PTPRD: variants seen among roughly 807,000 people sequenced by gnomAD.
PTPRD encodes the protein receptor-type tyrosine-protein phosphatase delta.
In PTPRD, 34 loss-of-function variants were observed where a neutral mutation model predicts 214.5. The ratio of observed to expected loss-of-function variants is 0.16; its 90% CI spans 0.12 to 0.21. The LOEUF is 0.21. PTPRD is among the 10% of genes least tolerant of loss of function. PTPRD has a pLI of 1.00. For missense variants in PTPRD, 2,545 were observed against 2,398.7 expected (o/e 1.06, Z -1.27); for synonymous variants, 1,128 against 845.7 (o/e 1.33, Z -5.79).
intron 4 of PTPRD, among the ~76,000 whole-genome samples, chr9:10,031,681 C>CACACACACACACAT (rs1555495089): frequency 3.0e-5 from 4 of 133,862 alleles, no homozygotes; most frequent in Admixed American, 1.5e-4. Context: ...CACACACACA[C>CACACACACACACAT]ATATCCTATT....
intron 9 of PTPRD, among the ~76,000 whole-genome samples, chr9:9,286,490 A>C (rs1031229112): frequency 2.6e-5 from 4 of 151,782 alleles, no homozygotes; most frequent in Non-Finnish European, 5.9e-5. Flanking sequence ...CAGAACTCAT[A>C]ATGTCCATTC....
intron 14 of PTPRD, among the ~76,000 whole-genome samples, chr9:8,618,866 T>TGTG (rs2095702673): frequency 7.6e-6 from 1 of 130,928 alleles, no homozygotes; most frequent in Non-Finnish European, 1.6e-5. Flanking sequence ...CCAGCTAATT[T>TGTG]TGTGTGTGTG....
At chr9:9,560,172 A>G (rs142426505) in intron 8 of PTPRD, among the ~76,000 whole-genome samples, 165 of 152,346 alleles carry the variant, frequency 1.1e-3, no homozygotes, top group African/African-American at 3.8e-3. Context: ...AAGTCTGTAC[A>G]TGACTGTGGA....
chr9:9,526,627 C>G (rs1014918098), intron 8 of PTPRD, among the ~76,000 whole-genome samples: 1 of 152,058 alleles, frequency 6.6e-6, no homozygotes, highest in African/African-American at 2.4e-5. Context: ...ACTTTAATGC[C>G]ACATTAAATT....
intron 11 of PTPRD, among the ~76,000 whole-genome samples, chr9:8,748,541 G>GA (rs1276346481): frequency 9.7e-6 from 1 of 102,998 alleles, no homozygotes; most frequent in Non-Finnish European, 1.9e-5. Context: ...AAAAAAAAAA[G>GA]AAAAAGAAAA....
chr9:9,430,749 C>T (rs182670881), intron 8 of PTPRD, among the ~76,000 whole-genome samples: 1 of 152,230 alleles, frequency 6.6e-6, no homozygotes, highest in African/African-American at 2.4e-5. Flanking sequence ...AATAATACCA[C>T]ACATCTACAA....
At chr9:9,638,214 T>C (rs2095834220) in intron 7 of PTPRD, among the ~76,000 whole-genome samples, 1 of 152,208 alleles carries the variant, frequency 6.6e-6, no homozygotes, top group Admixed American at 6.5e-5. Flanking sequence ...TTTGCTTCTC[T>C]TTTAATTATG....
intron 44 of PTPRD, among the ~76,000 whole-genome samples, chr9:8,324,246 C>A (rs1299309324): frequency 6.6e-6 from 1 of 152,078 alleles, no homozygotes; most frequent in Admixed American, 6.6e-5. Flanking sequence ...GCTATCCCTC[C>A]CCCAGGCCCC....
At chr9:8,354,178 TC>T (rs1335037465) in intron 39 of PTPRD, among the ~76,000 whole-genome samples, 1 of 151,840 alleles carries the variant, frequency 6.6e-6, no homozygotes, top group Admixed American at 6.6e-5. Flanking sequence ...TACTCCTTAT[TC>T]TTTTTTTCAC....
At chr9:8,917,337 C>T (rs982080853) in intron 11 of PTPRD, among the ~76,000 whole-genome samples, 8 of 150,680 alleles carry the variant, frequency 5.3e-5, no homozygotes, top group African/African-American at 2.0e-4. Context: ...AGCGTTTCAC[C>T]ATTTTGGCCA....
chr9:8,497,316 A>T, intron 25 of PTPRD, 48 bp from the exon 26 acceptor site: 4 of 1,520,628 alleles, frequency 2.6e-6, no homozygotes, highest in Non-Finnish European at 3.6e-6. Flanking sequence ...AAAAAGAAAA[A>T]GAATTTAAAG....
intron 5 of PTPRD, among the ~76,000 whole-genome samples, chr9:9,839,331 G>A (rs1451594503): frequency 2.0e-5 from 3 of 152,074 alleles, no homozygotes; most frequent in South Asian, 4.1e-4. Flanking sequence ...ATCTCCTTAA[G>A]CTGATAAGCA....
At chr9:9,452,187 G>A (rs2092327741) in intron 8 of PTPRD, among the ~76,000 whole-genome samples, 1 of 151,334 alleles carries the variant, frequency 6.6e-6, no homozygotes, top group Non-Finnish European at 1.5e-5. Context: ...ATCAACTTAA[G>A]ATGTGTCATT....
intron 3 of PTPRD, among the ~76,000 whole-genome samples, chr9:10,180,044 T>C (rs370491884): frequency 6.9e-6 from 1 of 144,940 alleles, no homozygotes; most frequent in Admixed American, 7.0e-5. Context: ...AATCAGAAGA[T>C]AGAGACTTAC....
intron 12 of PTPRD, among the ~76,000 whole-genome samples, chr9:8,656,740 A>C (rs1171688786): frequency 6.6e-6 from 1 of 152,168 alleles, no homozygotes; most frequent in Non-Finnish European, 1.5e-5. Context: ...TTCACAGTTA[A>C]ATTATTACTG....
In PTPRD at chr9:10,067,181, T is replaced by C. The variant is rs964084710; in HGVS notation, c.-544-33391A>G. On this transcript the variant is annotated intron_variant, in intron 3 of 45. Transcript: ENST00000381196. ...AAAACAAAATAATCAAAATCCTATG[T>C]TCCTACCAATTTATAAATCCACAGG... Among the ~76,000 whole-genome samples the C allele has an allele frequency of 1.2e-4, 18 of 152,042 alleles. 1 individual carries two copies. The South Asian group carries it at 2.7e-3, about 23-fold the overall frequency.
intron 2 of PTPRD, among the ~76,000 whole-genome samples, chr9:10,587,089 G>A (rs1280731896): frequency 6.6e-6 from 1 of 152,044 alleles, no homozygotes; most frequent in Non-Finnish European, 1.5e-5. Flanking sequence ...ATCACATGAG[G>A]TGTTATTACA....
intron 11 of PTPRD, among the ~76,000 whole-genome samples, chr9:8,764,254 A>G (rs2094573012): frequency 6.6e-6 from 1 of 152,134 alleles, no homozygotes; most frequent in Non-Finnish European, 1.5e-5. Flanking sequence ...TGTGAGCCAT[A>G]TGTTTCATTA....
chr9:10,359,148 T>A, intron 2 of PTPRD, among the ~76,000 whole-genome samples: 1 of 152,016 alleles, frequency 6.6e-6, no homozygotes, highest in East Asian at 1.9e-4. Context: ...TATCATGAGA[T>A]CTATTGTTAA....
Sources: allele counts gnomAD v4.1 joint callset (sites outside exome capture counted in the v4.1 genomes callset), GRCh38; gene constraint gnomAD v4.1.1; transcripts MANE v1.5; gene names NCBI Gene and HGNC (gene_info 2026-07-23, HGNC 2026-07-21).